Variants in THSD7A observed in about 807,000 individuals in gnomAD.
The protein encoded by THSD7A is thrombospondin type 1 domain containing 7A, also known as thrombospondin type-1 domain-containing protein 7A.
Under a neutral mutation model 231.3 loss-of-function variants are expected in THSD7A, and 96 were observed. That is an observed-to-expected ratio of 0.41 (90% confidence interval 0.35 to 0.49). The LOEUF (loss-of-function observed/expected upper bound fraction) is 0.49, where lower values mean the gene tolerates loss of function less well. Among genes scored for constraint, THSD7A ranks in the 20% least tolerant of loss-of-function variants. The pLI is 0.05. For synonymous variants in THSD7A, 940 were observed against 743.3 expected (o/e 1.26, Z -4.30); for missense variants, 2,290 against 2,070.2 (o/e 1.11, Z -2.06).
chr7:11,769,153 A>ATATATATT, intron 1 of THSD7A, among the ~76,000 whole-genome samples: 95 of 27,630 alleles, frequency 3.4e-3, no homozygotes, highest in African/African-American at 8.4e-3. Context: ...ATATATATAT[A>ATATATATT]TTTTTTTTTT....
At chr7:11,518,423 AG>A (rs935845651) in intron 6 of THSD7A, among the ~76,000 whole-genome samples, 2 of 152,176 alleles carry the variant, frequency 1.3e-5, no homozygotes, top group African/African-American at 4.8e-5. Context: ...CTAAGTTTGT[AG>A]AAAAGCAAAA....
At chr7:11,820,667 A>C in intron 1 of THSD7A, 1 of 822,510 alleles carries the variant, frequency 1.2e-6, no homozygotes. Flanking sequence ...ACTTGGACCC[A>C]CAAAGACTTT....
chr7:11,679,740 G>T (rs1783791575), intron 1 of THSD7A, among the ~76,000 whole-genome samples: 1 of 152,150 alleles, frequency 6.6e-6, no homozygotes, highest in South Asian at 2.1e-4. Flanking sequence ...TGGATAGGAA[G>T]AATCAATATT....
At chr7:11,391,492 C>T (rs1314056753) in intron 23 of THSD7A, among the ~76,000 whole-genome samples, 1 of 151,906 alleles carries the variant, frequency 6.6e-6, no homozygotes, top group Non-Finnish European at 1.5e-5. Context: ...GTGCTGGCAG[C>T]GAGAATTTCA....
At chr7:11,773,206 A>G (rs745451803) in intron 1 of THSD7A, among the ~76,000 whole-genome samples, 4 of 152,204 alleles carry the variant, frequency 2.6e-5, no homozygotes, top group Non-Finnish European at 5.9e-5. Flanking sequence ...TTACACATCA[A>G]TTTAGTAGTT....
intron 1 of THSD7A, among the ~76,000 whole-genome samples, chr7:11,673,863 G>A (rs1783519477): frequency 6.6e-6 from 1 of 152,094 alleles, no homozygotes; most frequent in Admixed American, 6.5e-5. Context: ...GGAAAGAGAT[G>A]CACCAGGTCA....
Position 11,446,695 on chromosome 7 carries a change from A to G in THSD7A, c.2801-371T>C, listed in dbSNP as rs62438188. On this transcript the variant is annotated intron_variant, in intron 12 of 27. Coordinates refer to ENST00000423059, the MANE Select transcript of THSD7A (RefSeq NM_015204.3). This position sits in a 1 kb window ranked among gnomAD's most constrained non-coding sequence, Gnocchi z 4.0. ...AAATTCTGAGTACTCTACTAGCACC[A>G]ATATTTTTAGGTTGCTTTTGCCATT... 5.0e-3 allele frequency among the ~76,000 whole-genome samples: 764 copies of G among 152,240 alleles called. 4 individuals are homozygous for G. The highest frequency in any genetic ancestry group is 8.5e-3 in the Non-Finnish European group (579 of 68,008).
intron 4 of THSD7A, among the ~76,000 whole-genome samples, chr7:11,573,365 G>C (rs1402742882): frequency 6.6e-6 from 1 of 150,518 alleles, no homozygotes; most frequent in Non-Finnish European, 1.5e-5. Context: ...TCTGTACCTT[G>C]TCCTAAAATT....
chr7:11,507,115 C>G (rs955856811), intron 6 of THSD7A, among the ~76,000 whole-genome samples: 2 of 152,126 alleles, frequency 1.3e-5, no homozygotes, highest in African/African-American at 4.8e-5. Context: ...AGACATTAAG[C>G]AGTCACAGTG....
Position 11,451,081 on chromosome 7 carries a change from G to C in THSD7A, c.2606-3657C>G, listed in dbSNP as rs7779046. ...TATGACTGATTTGTGGGTTACATATGAATCAACTTAAACAAGCTTAGCCCA... is the reference window on the plus strand; with the variant it reads ...TATGACTGATTTGTGGGTTACATATCAATCAACTTAAACAAGCTTAGCCCA... On this transcript the variant is annotated intron_variant, in intron 11 of 27. Transcript: ENST00000423059. 9.0e-3 allele frequency among the ~76,000 whole-genome samples: 1,367 copies of C among 152,110 alleles called. 33 individuals carry two copies. The highest frequency in any genetic ancestry group is 0.031 in the African/African-American group (1,294 of 41,542).
At chr7:11,788,218 C>T (rs1783848651) in intron 1 of THSD7A, among the ~76,000 whole-genome samples, 2 of 152,050 alleles carry the variant, frequency 1.3e-5, no homozygotes, top group African/African-American at 4.8e-5. Context: ...AGTAATGATG[C>T]AGTCATTTTT....
intron 1 of THSD7A, among the ~76,000 whole-genome samples, chr7:11,657,233 C>T (rs1276330175): frequency 6.6e-6 from 1 of 151,708 alleles, no homozygotes; most frequent in Admixed American, 6.6e-5. Context: ...ACATTAAATC[C>T]TTAGTAGAAC....
At chr7:11,599,417 G>A (rs960583473) in intron 2 of THSD7A, among the ~76,000 whole-genome samples, 4 of 152,142 alleles carry the variant, frequency 2.6e-5, no homozygotes, top group African/African-American at 7.2e-5. Context: ...AAAGAAGACC[G>A]TAATTGTCAT....
chr7:11,451,982 G>A (rs1388625761), intron 11 of THSD7A, among the ~76,000 whole-genome samples: 2 of 152,006 alleles, frequency 1.3e-5, no homozygotes, highest in African/African-American at 4.8e-5. Context: ...TGGGCACATA[G>A]AAGTTCATTA....
intron 1 of THSD7A, among the ~76,000 whole-genome samples, chr7:11,640,208 C>T (rs1782029007): frequency 1.3e-5 from 2 of 152,136 alleles, no homozygotes; most frequent in African/African-American, 4.8e-5. Flanking sequence ...CCCTTGTCTG[C>T]CGCCTGCAAC....
chr7:11,792,188 T>C (rs1783972478), intron 1 of THSD7A, among the ~76,000 whole-genome samples: 1 of 151,938 alleles, frequency 6.6e-6, no homozygotes, highest in South Asian at 2.1e-4. Flanking sequence ...CATTATTGCA[T>C]TACTGAGGTC....
chr7:11,784,685 T>C lies in THSD7A; in HGVS notation c.190+47072A>G, dbSNP rs1370448412. On this transcript the variant is annotated intron_variant, in intron 1 of 27. Coordinates refer to ENST00000423059, the MANE Select transcript of THSD7A (RefSeq NM_015204.3). ...ATTTAATTTCTTAATATTTTAAATA[T>C]ACTTATTCTACAGCTTGGAGCCAAT... Among the ~76,000 whole-genome samples the C allele has an allele frequency of 2.0e-5, 3 of 152,148 alleles. No individual in the cohort carries two copies. The East Asian group carries it at 5.8e-4, about 29-fold the overall frequency.
At chr7:11,437,399 A>G (rs1784666688) in intron 13 of THSD7A, among the ~76,000 whole-genome samples, 1 of 152,034 alleles carries the variant, frequency 6.6e-6, no homozygotes, top group Non-Finnish European at 1.5e-5. Flanking sequence ...GTGCCCAAGT[A>G]TCCTTAGATG....
chr7:11,821,367 T>C (rs1477615427), intron 1 of THSD7A: 3 of 607,826 alleles, frequency 4.9e-6, no homozygotes, highest in Non-Finnish European at 6.2e-6. Flanking sequence ...GATGACTTTT[T>C]ATCTCTTCTC....
Sources: gnomAD v4.1 joint callset for allele counts (sites outside exome capture counted in the v4.1 genomes callset) on GRCh38, gnomAD v4.1.1 for gene constraint, Gnocchi (gnomAD v3.1) non-coding constraint, MANE v1.5 for transcripts, NCBI Gene and HGNC (gene_info 2026-07-23, HGNC 2026-07-21) for gene names.